The following CAPN5 variants were observed in gnomAD, a reference collection of about 807,000 sequenced individuals.
CAPN5 encodes calpain-5.
CAPN5 carries 54 observed loss-of-function variants against 73.0 expected under a neutral mutation model. The ratio of observed to expected loss-of-function variants is 0.74; its 90% CI spans 0.59 to 0.93. The LOEUF (loss-of-function observed/expected upper bound fraction) is 0.93, where lower values mean the gene tolerates loss of function less well. Ranked by LOEUF, CAPN5 falls within the 40% of genes least tolerant of loss-of-function variation. CAPN5 has a pLI of 0.00. For missense variants in CAPN5, 785 were observed against 882.9 expected (o/e 0.89, Z 1.41); for synonymous variants, 335 against 356.9 (o/e 0.94, Z 0.69).
At chr11:77,075,039 GC>G (rs1949953660) in intron 1 of CAPN5, among the ~76,000 whole-genome samples, 1 of 152,168 alleles carries the variant, frequency 6.6e-6, no homozygotes, top group Non-Finnish European at 1.5e-5. Context: ...CCATGTGGCA[GC>G]CACATGGGGC....
chr11:77,092,056 C>T (rs1055190537), intron 2 of CAPN5, among the ~76,000 whole-genome samples: 1 of 152,214 alleles, frequency 6.6e-6, no homozygotes, highest in South Asian at 2.1e-4. Flanking sequence ...CTCATCTCTA[C>T]AAAAAATTTA....
At chr11:77,113,075 G>A (rs776811660) in intron 4 of CAPN5, among the ~76,000 whole-genome samples, 1 of 152,250 alleles carries the variant, frequency 6.6e-6, no homozygotes, top group Non-Finnish European at 1.5e-5. Flanking sequence ...GTAGCTGGGG[G>A]CAGAGGCAGC....
At chr11:77,074,741 C>T (rs1949950189) in intron 1 of CAPN5, among the ~76,000 whole-genome samples, 1 of 152,194 alleles carries the variant, frequency 6.6e-6, no homozygotes, top group Admixed American at 6.5e-5. Context: ...GTGTCACTGG[C>T]TCCTTCGGCC....
intron 4 of CAPN5, among the ~76,000 whole-genome samples, chr11:77,113,407 C>T (rs563767381): frequency 3.3e-5 from 5 of 152,300 alleles, no homozygotes; most frequent in South Asian, 2.1e-4. Context: ...TCGCGCAGGC[C>T]GTTGCAGGGC....
At chr11:77,107,713 G>A (rs1428994403) in intron 3 of CAPN5, among the ~76,000 whole-genome samples, 7 of 152,194 alleles carry the variant, frequency 4.6e-5, no homozygotes, top group African/African-American at 1.7e-4. Flanking sequence ...CATCCCAGGG[G>A]GTTATCAGGG....
intron 8 of CAPN5, 94 bp from the exon 9 acceptor site, chr11:77,118,936 C>G (rs893046286): frequency 2.8e-6 from 4 of 1,411,512 alleles, no homozygotes; most frequent in Non-Finnish European, 3.9e-6. Flanking sequence ...GTGACTGGTC[C>G]AGGCTCTGGA....
At position 77,118,218 on chromosome 11, in the gene CAPN5, A is replaced by G; in HGVS notation, c.1033A>G (p.Thr345Ala). ...TDIIKCRVIN[T>A]SHLSIHKTWE... ...CATCATCAAGTGCCGCGTGATCAAC[A>G]CATCCCACCTGAGCATCCACAAGAC... The change falls in exon 8 of 13, where the codon ACA becomes GCA. Residue 345 changes from threonine to alanine, a missense_variant. Physicochemically the swap from Thr to Ala is moderately conservative, Grantham distance 58 (BLOSUM62 0). Transcript: ENST00000648180. 6.2e-7 allele frequency: 1 copy of G among 1,614,112 alleles called. No homozygotes were observed. The highest frequency in any genetic ancestry group is 8.5e-7 in the Non-Finnish European group (1 of 1,180,012).
At chr11:77,111,143 CT>C (rs1800733867) in intron 3 of CAPN5, among the ~76,000 whole-genome samples, 1 of 152,110 alleles carries the variant, frequency 6.6e-6, no homozygotes, top group Non-Finnish European at 1.5e-5. Context: ...GCACTCCCTT[CT>C]GGTATAGCCC....
At chr11:77,120,433 T>G in intron 9 of CAPN5, 2 of 373,694 alleles carry the variant, frequency 5.4e-6, no homozygotes, top group Non-Finnish European at 9.6e-6. Flanking sequence ...TTTTGTGTGA[T>G]CAGAGTTTAT....
chr11:77,102,462 T>C (rs1950295562), intron 3 of CAPN5, among the ~76,000 whole-genome samples: 2 of 152,136 alleles, frequency 1.3e-5, no homozygotes, highest in African/African-American at 4.8e-5. Context: ...CCCACCACCC[T>C]CCCCATCAGT....
intron 3 of CAPN5, chr11:77,103,290 C>T: frequency 6.2e-7 from 1 of 1,612,602 alleles, no homozygotes; most frequent in Non-Finnish European, 8.5e-7. Context: ...GGGTGTGGAG[C>T]CCGCCAACCT....
intron 3 of CAPN5, among the ~76,000 whole-genome samples, chr11:77,108,469 C>T (rs1950375669): frequency 6.6e-6 from 1 of 152,026 alleles, no homozygotes; most frequent in African/African-American, 2.4e-5. Context: ...TAGATGGGAC[C>T]CGAAGGAGGG....
chr11:77,117,724 A>C lies in CAPN5; in HGVS notation c.972-433A>C, dbSNP rs147699451. On this transcript the variant is annotated intron_variant, in intron 7 of 12. Transcript: ENST00000648180. ...GCTCACCATGGGGTTCCCACCATCCACTTACTCAGGCCTCTCAACAGCCAT... is the reference window on the plus strand; with the variant it reads ...GCTCACCATGGGGTTCCCACCATCCCCTTACTCAGGCCTCTCAACAGCCAT... Among the ~76,000 whole-genome samples, 264 of 152,252 alleles carry C rather than the reference A, an allele frequency of 1.7e-3. 2 individuals are homozygous for C. The highest frequency in any genetic ancestry group is 6.1e-3 in the African/African-American group (253 of 41,542).
At chr11:77,098,433 C>T (rs1950239898) in intron 3 of CAPN5, among the ~76,000 whole-genome samples, 1 of 107,170 alleles carries the variant, frequency 9.3e-6, no homozygotes, top group East Asian at 4.4e-4. Context: ...GGGCTCCTCA[C>T]TTCCCAGTAG....
At chr11:77,085,147 C>A in intron 2 of CAPN5, 96 bp downstream of exon 2, 3 of 1,076,446 alleles carry the variant, frequency 2.8e-6, no homozygotes, top group South Asian at 2.7e-5. Context: ...GAGGAGGCAT[C>A]CCTGGCCCCA....
chr11:77,101,736 C>T (rs1361111096), intron 3 of CAPN5, among the ~76,000 whole-genome samples: 6 of 152,174 alleles, frequency 3.9e-5, no homozygotes, highest in Admixed American at 6.5e-5. Flanking sequence ...TGGCGACGGC[C>T]GCTCCCCAAC....
chr11:77,083,255 G>T (rs999509131), intron 1 of CAPN5, among the ~76,000 whole-genome samples: 2 of 152,206 alleles, frequency 1.3e-5, no homozygotes, highest in Non-Finnish European at 2.9e-5. Context: ...TTGGCAGGTG[G>T]GGGGACAATG....
chr11:77,073,462 A>G (rs1296911605), intron 1 of CAPN5, among the ~76,000 whole-genome samples: 1 of 152,144 alleles, frequency 6.6e-6, no homozygotes, highest in Non-Finnish European at 1.5e-5. Flanking sequence ...CAATTGCCAG[A>G]TGAAGAACAG....
intron 11 of CAPN5, 141 bp from the exon 12 acceptor site, chr11:77,122,435 C>A: frequency 2.8e-6 from 2 of 714,146 alleles, no homozygotes; most frequent in Non-Finnish European, 2.3e-6. Flanking sequence ...TCTCTGGAAA[C>A]GAAGGGGCCC....
Sources: gnomAD v4.1 joint callset for allele counts (sites outside exome capture counted in the v4.1 genomes callset) on GRCh38, gnomAD v4.1.1 for gene constraint, MANE v1.5 for transcripts, NCBI Gene and HGNC (gene_info 2026-07-23, HGNC 2026-07-21) for gene names.